The following MAML3 variants were observed in gnomAD, a reference collection of about 807,000 sequenced individuals.
The protein encoded by MAML3 is mastermind like transcriptional coactivator 3, also known as mastermind-like protein 3.
In MAML3, 27 loss-of-function variants were observed where a neutral mutation model predicts 101.9. That is an observed-to-expected ratio of 0.27 (90% CI 0.20 to 0.37). The LOEUF is 0.37. MAML3 is among the 10% of genes least tolerant of loss of function. The pLI, the probability that MAML3 is intolerant of heterozygous loss-of-function variation, is 1.00. For missense variants in MAML3, 1,316 were observed against 1,444.9 expected (o/e 0.91, Z 1.45); for synonymous variants, 501 against 555.9 (o/e 0.90, Z 1.39).
intron 1 of MAML3, among the ~76,000 whole-genome samples, chr4:140,088,632 G>A (rs976224975): frequency 6.6e-6 from 1 of 151,984 alleles, no homozygotes; most frequent in African/African-American, 2.4e-5. Context: ...AAATTCTGAG[G>A]TGCTTTATGC....
intron 2 of MAML3, among the ~76,000 whole-genome samples, chr4:139,826,898 G>C (rs1185810640): frequency 6.6e-6 from 1 of 150,548 alleles, no homozygotes; most frequent in Non-Finnish European, 1.5e-5. Context: ...TCTCATACAA[G>C]ATAGGGAAAC....
At chr4:139,851,297 C>A (rs1022528353) in intron 2 of MAML3, among the ~76,000 whole-genome samples, 4 of 152,246 alleles carry the variant, frequency 2.6e-5, no homozygotes, top group Non-Finnish European at 4.4e-5. Flanking sequence ...GTTTGCCCTG[C>A]ATGTTTGACA....
intron 1 of MAML3, among the ~76,000 whole-genome samples, chr4:140,133,717 T>C (rs1009768004): frequency 4.6e-5 from 7 of 152,138 alleles, no homozygotes; most frequent in Non-Finnish European, 7.4e-5. Flanking sequence ...GTAGCAAAGG[T>C]AGAACAGTCA....
rs768512397 is a variant in MAML3, at chr4:139,889,857, G to T, written c.1579C>A (p.Pro527Thr). Reference protein sequence around the residue: ...NWSPLGPPSSPYGAAFTAEKP... With the variant: ...NWSPLGPPSSTYGAAFTAEKP... ...TCTGCAGTAAAAGCTGCTCCATATG[G>T]ACTAGAGGGAGGTCCTAAGGGAGAC... The change falls in exon 2 of 5, where the codon CCA (proline) becomes ACA (threonine). Residue 527 changes from proline to threonine, a missense_variant. Pro to Thr is a conservative substitution (Grantham distance 38, BLOSUM62 -1). Transcript: ENST00000509479. 4.3e-6 allele frequency: 7 copies of T among 1,613,712 alleles called. No individual in the cohort carries two copies. Among genetic ancestry groups the T allele is most frequent in the Non-Finnish European group, 1.7e-6 (2 of 1,179,866 alleles).
chr4:140,053,450 C>T (rs1727302902), intron 1 of MAML3, among the ~76,000 whole-genome samples: 2 of 152,202 alleles, frequency 1.3e-5, no homozygotes, highest in South Asian at 4.1e-4. Context: ...GCAGGGGCCA[C>T]ATTCCCAGAT....
At chr4:139,983,076 G>A (rs1263854895) in intron 1 of MAML3, among the ~76,000 whole-genome samples, 3 of 152,126 alleles carry the variant, frequency 2.0e-5, no homozygotes, top group Non-Finnish European at 4.4e-5. Context: ...GTCACAGTCT[G>A]CATTCCTTCT....
chr4:139,728,220 A>G (rs1028929669), intron 3 of MAML3, among the ~76,000 whole-genome samples: 11 of 152,162 alleles, frequency 7.2e-5, no homozygotes, highest in African/African-American at 2.7e-4. Flanking sequence ...GTCTCAAAAC[A>G]AAACAAACAA....
intron 1 of MAML3, among the ~76,000 whole-genome samples, chr4:140,135,672 G>A (rs1384502830): frequency 3.3e-5 from 5 of 152,204 alleles, no homozygotes; most frequent in African/African-American, 7.2e-5. Context: ...ACCCAATGCC[G>A]AGAGAGTTCC....
At chr4:140,121,090 C>G (rs567798836) in intron 1 of MAML3, among the ~76,000 whole-genome samples, 3 of 152,246 alleles carry the variant, frequency 2.0e-5, no homozygotes, top group Admixed American at 2.0e-4. Flanking sequence ...TAGCAAAAAG[C>G]AAAGTCATTT....
chr4:140,093,996 G>A (rs1728108024), intron 1 of MAML3, among the ~76,000 whole-genome samples: 1 of 152,224 alleles, frequency 6.6e-6, no homozygotes, highest in Admixed American at 6.5e-5. Context: ...CAGCAGCTGA[G>A]GCTGAGCCAG....
intron 2 of MAML3, among the ~76,000 whole-genome samples, chr4:139,850,390 C>T (rs1731527329): frequency 6.6e-6 from 1 of 152,146 alleles, no homozygotes; most frequent in Non-Finnish European, 1.5e-5. Context: ...GTCCTGGTGA[C>T]CTCTTTGGTT....
chr4:140,136,684 T>C (rs1728888443), intron 1 of MAML3, among the ~76,000 whole-genome samples: 1 of 152,218 alleles, frequency 6.6e-6, no homozygotes, highest in Non-Finnish European at 1.5e-5. Context: ...TGGGAGAGGC[T>C]GGATGGATGA....
intron 1 of MAML3, among the ~76,000 whole-genome samples, chr4:140,044,384 G>A (rs1180084560): frequency 2.6e-5 from 4 of 152,144 alleles, no homozygotes; most frequent in Non-Finnish European, 5.9e-5. Flanking sequence ...TATTATTGTG[G>A]ATTGACAATA....
At chr4:139,831,796 C>CA (rs1731166878) in intron 2 of MAML3, among the ~76,000 whole-genome samples, 2 of 143,442 alleles carry the variant, frequency 1.4e-5, no homozygotes, top group African/African-American at 5.1e-5. Context: ...CCCTCTCACT[C>CA]TTTTTTTTTT....
At chr4:139,941,435 T>C (rs1733593949) in intron 1 of MAML3, among the ~76,000 whole-genome samples, 1 of 152,208 alleles carries the variant, frequency 6.6e-6, no homozygotes, top group African/African-American at 2.4e-5. Context: ...CAAGAGTACT[T>C]ATGTTTATTA....
chr4:139,730,733 AGCCCCTGG>A, intron 2 of MAML3, 66 bp from the exon 3 acceptor site: 1 of 1,464,236 alleles, frequency 6.8e-7, no homozygotes, highest in Admixed American at 2.0e-5. Flanking sequence ...TTTGAAGGGA[AGCCCCTGG>A]AAAAAGGGAA....
chr4:140,012,117 T>G (rs1333895061), intron 1 of MAML3, among the ~76,000 whole-genome samples: 1 of 152,180 alleles, frequency 6.6e-6, no homozygotes, highest in Admixed American at 6.5e-5. Flanking sequence ...ATAGAAAGTT[T>G]TGAAAAACAG....
chr4:140,103,954 C>T (rs537258487), intron 1 of MAML3, among the ~76,000 whole-genome samples: 50 of 152,262 alleles, frequency 3.3e-4, no homozygotes, highest in African/African-American at 1.2e-3. Flanking sequence ...TACAAACCAC[C>T]CCATCCTATT....
At chr4:139,988,326 CAAAAAAAAAAAAA>C (rs764018702) in intron 1 of MAML3, among the ~76,000 whole-genome samples, 12 of 81,954 alleles carry the variant, frequency 1.5e-4, no homozygotes, top group Admixed American at 6.8e-4. Context: ...GACTCCGTCT[CAAAAAAAAAAAAA>C]AAAAAAAAAA....
Sources: gnomAD v4.1 joint callset for allele counts (sites outside exome capture counted in the v4.1 genomes callset) on GRCh38, gnomAD v4.1.1 for gene constraint, MANE v1.5 for transcripts, NCBI Gene and HGNC (gene_info 2026-07-23, HGNC 2026-07-21) for gene names.